The following PDE4D variants were observed in gnomAD, a reference collection of about 807,000 sequenced individuals.
PDE4D encodes the protein 3',5'-cyclic-AMP phosphodiesterase 4D.
Under a neutral mutation model 87.4 loss-of-function variants are expected in PDE4D, and 24 were observed. The observed-to-expected ratio is 0.27, with a 90% confidence interval of 0.20 to 0.39. The LOEUF (loss-of-function observed/expected upper bound fraction) is 0.39. Ranked by LOEUF, PDE4D falls within the 10% of genes least tolerant of loss-of-function variation. PDE4D has a pLI of 1.00. For missense variants in PDE4D, 714 were observed against 1,041.0 expected (o/e 0.69, Z 4.32); for synonymous variants, 384 against 383.2 (o/e 1.00, Z -0.02).
chr5:59,303,479 GA>G (rs1480662124), intron 1 of PDE4D, among the ~76,000 whole-genome samples: 1 of 152,092 alleles, frequency 6.6e-6, no homozygotes, highest in Non-Finnish European at 1.5e-5. Flanking sequence ...CCAATGTCTA[GA>G]AGGGTTTTTC....
At chr5:59,155,707 G>A (rs1024536309) in intron 5 of PDE4D, among the ~76,000 whole-genome samples, 4 of 152,144 alleles carry the variant, frequency 2.6e-5, no homozygotes, top group Admixed American at 2.0e-4. Flanking sequence ...GAAAACAGAC[G>A]AAGCAAGGAC....
At chr5:59,416,687 A>AG (rs1474572759) in intron 1 of PDE4D, among the ~76,000 whole-genome samples, 8 of 152,204 alleles carry the variant, frequency 5.3e-5, no homozygotes, top group South Asian at 2.1e-4. Flanking sequence ...TAGATCATCC[A>AG]GATGTTTTAT....
intron 1 of PDE4D, among the ~76,000 whole-genome samples, chr5:59,311,018 G>T (rs1447405701): frequency 1.3e-5 from 2 of 152,148 alleles, no homozygotes; most frequent in Non-Finnish European, 2.9e-5. Flanking sequence ...TCCAAACAAA[G>T]GTCACTGTAA....
chr5:59,483,705 G>A (rs16889896), intron 1 of PDE4D, among the ~76,000 whole-genome samples: 12,290 of 152,046 alleles, frequency 0.081, 1,535 homozygotes, highest in African/African-American at 0.26. Flanking sequence ...GTACCAAAAT[G>A]ACCACATACA....
chr5:59,853,340 T>G (rs951388546), intron 1 of PDE4D, among the ~76,000 whole-genome samples: 1 of 152,108 alleles, frequency 6.6e-6, no homozygotes, highest in African/African-American at 2.4e-5. Flanking sequence ...AATTTGAGAT[T>G]GAAAATAAGC....
intron 1 of PDE4D, among the ~76,000 whole-genome samples, chr5:59,487,138 T>C (rs1194651401): frequency 6.6e-6 from 1 of 152,106 alleles, no homozygotes; most frequent in Non-Finnish European, 1.5e-5. Flanking sequence ...CTAGTCAGTA[T>C]GGAGATGGGG....
intron 2 of PDE4D, among the ~76,000 whole-genome samples, chr5:60,165,241 T>C (rs998209902): frequency 1.3e-5 from 2 of 152,190 alleles, no homozygotes; most frequent in Non-Finnish European, 2.9e-5. Flanking sequence ...ATCATAAAAA[T>C]AGTGCTGCAA....
chr5:60,409,168 A>C (rs1741830732), intron 1 of PDE4D, among the ~76,000 whole-genome samples: 1 of 152,214 alleles, frequency 6.6e-6, no homozygotes, highest in East Asian at 1.9e-4. Context: ...GGGGATGGCT[A>C]CTTCGGTTAG....
rs79228283 is a variant in PDE4D at position 59,761,108 on chromosome 5, A to C, written c.455+132060T>G. On this transcript the variant is annotated intron_variant, in intron 1 of 14. Transcript: ENST00000340635. ...TGTACAGCATGTTATTCTACTGACT[A>C]TTGTGGGCAATCATAACACAATGGT... is the stretch of plus-strand genomic sequence containing the variant. Among the ~76,000 whole-genome samples the C allele has an allele frequency of 8.1e-3, 1,238 of 152,334 alleles. 10 individuals carry two copies. The highest frequency in any genetic ancestry group is 0.029 in the African/African-American group (1,187 of 41,570).
At chr5:59,564,744 G>T (rs1820596538) in intron 1 of PDE4D, among the ~76,000 whole-genome samples, 1 of 152,156 alleles carries the variant, frequency 6.6e-6, no homozygotes, top group Non-Finnish European at 1.5e-5. Context: ...TGATGACAAA[G>T]GGCCCCCAGG....
intron 1 of PDE4D, among the ~76,000 whole-genome samples, chr5:59,756,663 C>G (rs1761275062): frequency 6.6e-6 from 1 of 151,970 alleles, no homozygotes; most frequent in Admixed American, 6.6e-5. Flanking sequence ...GGTATGGATC[C>G]CCCTGGGTGT....
chr5:59,460,647 G>T (rs1359587886), intron 1 of PDE4D, among the ~76,000 whole-genome samples: 1 of 152,096 alleles, frequency 6.6e-6, no homozygotes, highest in African/African-American at 2.4e-5. Context: ...CCAAGAAGAC[G>T]GGTGACTGCC....
rs1054384175 is a variant in PDE4D, at chr5:59,875,321, C to T, written c.455+17847G>A. Among the ~76,000 whole-genome samples the T allele has an allele frequency of 2.6e-5, 4 of 151,850 alleles. No homozygotes were observed. The South Asian group carries it at 6.3e-4, about 24-fold the overall frequency. On this transcript the variant is annotated intron_variant, in intron 1 of 14. Transcript: ENST00000340635. ...CTAGAAATAACAAAAATTAGCTGGA[C>T]GTGATGGCACTCGCCTGTAGTCCCA...
chr5:59,042,470 TA>T (rs1759846932), intron 5 of PDE4D, among the ~76,000 whole-genome samples: 1 of 152,192 alleles, frequency 6.6e-6, no homozygotes, highest in Non-Finnish European at 1.5e-5. Flanking sequence ...CAAGAACACA[TA>T]CTGCATTCAT....
chr5:59,661,968 G>T (rs370832609), intron 1 of PDE4D, among the ~76,000 whole-genome samples: 4 of 152,164 alleles, frequency 2.6e-5, no homozygotes, highest in African/African-American at 4.8e-5. Context: ...CGTTCTGGGA[G>T]GGGGGATATA....
chr5:60,225,343 G>A (rs1467892576), intron 1 of PDE4D, among the ~76,000 whole-genome samples: 9 of 151,502 alleles, frequency 5.9e-5, no homozygotes, highest in South Asian at 4.2e-4. Flanking sequence ...ATTAATAAAC[G>A]TTTTTTTCCT....
At chr5:59,183,717 C>T (rs1023535644) in intron 4 of PDE4D, among the ~76,000 whole-genome samples, 10 of 152,156 alleles carry the variant, frequency 6.6e-5, no homozygotes, top group African/African-American at 1.4e-4. Context: ...TGACATTGCA[C>T]GGCCACGTTA....
intron 1 of PDE4D, among the ~76,000 whole-genome samples, chr5:59,338,886 A>ATTCTCT (rs1778219678): frequency 6.6e-6 from 1 of 152,228 alleles, no homozygotes; most frequent in African/African-American, 2.4e-5. Context: ...TAATTTAGAG[A>ATTCTCT]AAAAACCTCA....
chr5:59,335,494 G>T (rs1488767484), intron 1 of PDE4D, among the ~76,000 whole-genome samples: 1 of 152,150 alleles, frequency 6.6e-6, no homozygotes, highest in Non-Finnish European at 1.5e-5. Flanking sequence ...TTGCCCCTAT[G>T]GGTGGTCACT....
Sources: gnomAD v4.1 joint callset for allele counts (sites outside exome capture counted in the v4.1 genomes callset) on GRCh38, gnomAD v4.1.1 for gene constraint, MANE v1.5 for transcripts, NCBI Gene and HGNC (gene_info 2026-07-23, HGNC 2026-07-21) for gene names.